NOX4: variants seen among roughly 807,000 people sequenced by gnomAD.
NOX4 encodes the protein NADPH oxidase 4.
In NOX4, 69 loss-of-function variants were observed where a neutral mutation model predicts 87.6. The observed-to-expected ratio is 0.79, with a 90% CI of 0.65 to 0.96. The LOEUF is 0.96. NOX4 is among the 40% of genes least tolerant of loss of function. The probability of loss-of-function intolerance (pLI) is 0.00; values close to 1 mark genes in which losing one functional copy is unlikely to be tolerated. For missense variants in NOX4, 680 were observed against 681.5 expected (o/e 1.00, Z 0.02); for synonymous variants, 275 against 238.2 (o/e 1.15, Z -1.42).
At chr11:89,491,937 T>C (rs537644790), upstream of NOX4, among the ~76,000 whole-genome samples, 3 of 152,122 alleles carry the variant, frequency 2.0e-5, no homozygotes, top group South Asian at 6.2e-4. Flanking sequence ...CTGACAGCCT[T>C]ACCTAAGGCT....
At chr11:89,493,809 T>C (rs370706424), upstream of NOX4, among the ~76,000 whole-genome samples, 13 of 151,418 alleles carry the variant, frequency 8.6e-5, no homozygotes, top group East Asian at 5.8e-4. Context: ...GAGTGCAATG[T>C]CGTAATCTCG....
the NOX4 span, among the ~76,000 whole-genome samples, chr11:89,546,085 A>T: frequency 2.6e-5 from 4 of 152,192 alleles, no homozygotes; most frequent in African/African-American, 9.7e-5. Flanking sequence ...ATTAGTTATT[A>T]ACCTACTGAA....
intron 7 of NOX4, among the ~76,000 whole-genome samples, chr11:89,427,998 C>G (rs1166047524): frequency 6.6e-6 from 1 of 152,168 alleles, no homozygotes; most frequent in Admixed American, 6.5e-5. Context: ...AAACGGAAGC[C>G]CATCAGACTA....
chr11:89,558,707 T>C, the NOX4 span, among the ~76,000 whole-genome samples: 1 of 152,128 alleles, frequency 6.6e-6, no homozygotes, highest in South Asian at 2.1e-4. Context: ...AAGGATTCGT[T>C]GGCACAAATG....
At chr11:89,557,545 G>C in the NOX4 span, among the ~76,000 whole-genome samples, 2 of 152,096 alleles carry the variant, frequency 1.3e-5, no homozygotes, top group African/African-American at 4.8e-5. Flanking sequence ...ACTGCCTTCT[G>C]TTGACTTTTT....
In NOX4 at chr11:89,421,917, G is replaced by A. The variant is rs772044483; in HGVS notation, c.614C>T (p.Thr205Met). 1.8e-5 allele frequency: 28 copies of A among 1,567,900 alleles called. No individual in the cohort carries two copies. The highest frequency in any genetic ancestry group is 1.2e-4 in the East Asian group (5 of 41,522). The change falls in exon 8 of 18, where the codon ACG becomes ATG. Residue 205 changes from threonine to methionine, a missense_variant. Physicochemically the swap from Thr to Met is moderately conservative, Grantham distance 81 (BLOSUM62 -1). Transcript: ENST00000263317. Reference protein sequence around the residue: ...NLFFVFYMLLTLHVSGGLLKY... With the variant: ...NLFFVFYMLLMLHVSGGLLKY... ...GTAAACTTACCCTGAAACATGCAACGTCAGCAGCATGTAGAAGACAAAGAA... is the reference window on the plus strand; with the variant it reads ...GTAAACTTACCCTGAAACATGCAACATCAGCAGCATGTAGAAGACAAAGAA...
the NOX4 span, among the ~76,000 whole-genome samples, chr11:89,583,347 T>C: frequency 1.3e-5 from 2 of 152,144 alleles, no homozygotes; most frequent in Non-Finnish European, 2.9e-5. Flanking sequence ...TAACAGACTG[T>C]CAGTGTTGGA....
At chr11:89,461,174 G>A (rs866824536) in intron 2 of NOX4, among the ~76,000 whole-genome samples, 25 of 152,086 alleles carry the variant, frequency 1.6e-4, no homozygotes, top group East Asian at 5.8e-4. Context: ...GGGGGGAGCC[G>A]GGAGGGATAG....
chr11:89,419,523 A>C (rs1942974629), intron 8 of NOX4, among the ~76,000 whole-genome samples: 1 of 151,946 alleles, frequency 6.6e-6, no homozygotes, highest in South Asian at 2.1e-4. Context: ...TGTGCACTGT[A>C]GAATGCTTAT....
intron 2 of NOX4, among the ~76,000 whole-genome samples, chr11:89,454,781 C>T (rs1565314030): frequency 6.6e-6 from 1 of 152,078 alleles, no homozygotes; most frequent in Non-Finnish European, 1.5e-5. Context: ...CAATACAGAA[C>T]AGTCGCCAGG....
At chr11:89,438,886 T>TCTAG (rs1472786315) in intron 6 of NOX4, among the ~76,000 whole-genome samples, 3 of 53,702 alleles carry the variant, frequency 5.6e-5, no homozygotes, top group Non-Finnish European at 8.5e-5. Context: ...ATATATAATA[T>TCTAG]ATTATATATT....
At chr11:89,589,197 G>A in the NOX4 span, among the ~76,000 whole-genome samples, 1 of 152,082 alleles carries the variant, frequency 6.6e-6, no homozygotes, top group Non-Finnish European at 1.5e-5. Context: ...TAAGGACTCT[G>A]GAGCATTTTG....
chr11:89,581,572 C>G, the NOX4 span, among the ~76,000 whole-genome samples: 2,731 of 152,180 alleles, frequency 0.018, 80 homozygotes, highest in African/African-American at 0.062. Context: ...TGACTTACTA[C>G]CTCTGATTGG....
At chr11:89,438,680 A>G (rs1944240685) in intron 6 of NOX4, among the ~76,000 whole-genome samples, 1 of 17,924 alleles carries the variant, frequency 5.6e-5, no homozygotes, top group Non-Finnish European at 7.0e-5. Flanking sequence ...TATACTATAT[A>G]TACTATAAAT....
chr11:89,540,363 G>T, the NOX4 span, among the ~76,000 whole-genome samples: 2 of 151,952 alleles, frequency 1.3e-5, no homozygotes, highest in African/African-American at 4.8e-5. Flanking sequence ...ATAAGAAATT[G>T]CCTGTACTTA....
At chr11:89,466,385 A>G (rs923843185) in intron 2 of NOX4, among the ~76,000 whole-genome samples, 12 of 152,206 alleles carry the variant, frequency 7.9e-5, no homozygotes, top group Non-Finnish European at 1.8e-4. Flanking sequence ...CAATTTCCTT[A>G]CCTATAAAAC....
At chr11:89,582,609 T>G in the NOX4 span, among the ~76,000 whole-genome samples, 1 of 152,146 alleles carries the variant, frequency 6.6e-6, no homozygotes. Context: ...ATATTTAGAT[T>G]GTTTCTTGTG....
rs368922302 is a variant in NOX4, at chr11:89,348,703, C to A, written c.1217+6259G>T. Among the ~76,000 whole-genome samples the A allele has an allele frequency of 1.2e-4, 18 of 152,278 alleles. No individual in the cohort carries two copies. The East Asian group carries it at 1.9e-3, about 16-fold the overall frequency. On this transcript the variant is annotated intron_variant, in intron 13 of 17. Coordinates refer to ENST00000263317, the MANE Select transcript of NOX4 (RefSeq NM_016931.5). ...ATGTGTGCTTGCACATGCATGCACA[C>A]ACGTGCTCCACACATACACAGTTTT...
chr11:89,480,019 AG>A (rs1267525840), intron 2 of NOX4, among the ~76,000 whole-genome samples: 6 of 152,138 alleles, frequency 3.9e-5, no homozygotes, highest in Non-Finnish European at 7.4e-5. Context: ...CTCCAGGAAA[AG>A]TCGGTCCTTA....
Sources: allele counts gnomAD v4.1 joint callset (sites outside exome capture counted in the v4.1 genomes callset), GRCh38; gene constraint gnomAD v4.1.1; transcripts MANE v1.5; gene names NCBI Gene and HGNC (gene_info 2026-07-23, HGNC 2026-07-21).